Variants in GDPD4 observed in about 807,000 individuals in gnomAD.
The protein encoded by GDPD4 is glycerophosphodiester phosphodiesterase domain containing 4.
GDPD4 carries 60 observed loss-of-function variants against 67.8 expected under a neutral mutation model. The ratio of observed to expected loss-of-function variants is 0.88; its 90% CI spans 0.72 to 1.10. The LOEUF is 1.10. Among genes scored for constraint, GDPD4 ranks in the 50% least tolerant of loss-of-function variants. The pLI is 0.00. For missense variants in GDPD4, 623 were observed against 613.9 expected (o/e 1.01, Z -0.16); for synonymous variants, 212 against 210.9 (o/e 1.00, Z -0.04).
intron 11 of GDPD4, among the ~76,000 whole-genome samples, chr11:77,257,594 C>CACACACACACACACACACACACA (rs1959029349): frequency 2.0e-5 from 3 of 146,996 alleles, no homozygotes; most frequent in Non-Finnish European, 4.5e-5. Context: ...CACACACACA[C>CACACACACACACACACACACACA]CCTGTTGCTC....
chr11:77,285,546 A>C (rs1199726379), intron 2 of GDPD4, among the ~76,000 whole-genome samples: 1 of 152,204 alleles, frequency 6.6e-6, no homozygotes, highest in Non-Finnish European at 1.5e-5. Context: ...TGTTTTGTTC[A>C]GCAATTAATT....
chr11:77,249,757 C>T (rs1230047408), intron 11 of GDPD4, among the ~76,000 whole-genome samples: 13 of 152,116 alleles, frequency 8.5e-5, no homozygotes, highest in East Asian at 3.8e-4. Flanking sequence ...CCTTGAGATA[C>T]GTGATTATGT....
At chr11:77,257,552 T>TACACACACACACACACACACAC (rs71043563) in intron 11 of GDPD4, among the ~76,000 whole-genome samples, 1 of 134,266 alleles carries the variant, frequency 7.4e-6, no homozygotes, top group African/African-American at 2.8e-5. Context: ...CTCCCTCTCC[T>TACACACACACACACACACACAC]ACACACACAC....
intron 12 of GDPD4, among the ~76,000 whole-genome samples, 195 bp downstream of exon 12, chr11:77,245,086 C>G (rs1379549406): frequency 6.6e-6 from 1 of 152,170 alleles, no homozygotes; most frequent in Non-Finnish European, 1.5e-5. Flanking sequence ...ATTTTCCCCA[C>G]TGAGATAAAT....
At chr11:77,260,375 A>G (rs921805575) in intron 10 of GDPD4, among the ~76,000 whole-genome samples, 2 of 152,132 alleles carry the variant, frequency 1.3e-5, no homozygotes, top group Non-Finnish European at 2.9e-5. Flanking sequence ...GCCACTTTAG[A>G]TCCTCTAAAA....
At chr11:77,223,426 T>TAAGGAAAA (rs1958265769) in intron 16 of GDPD4, among the ~76,000 whole-genome samples, 1 of 152,136 alleles carries the variant, frequency 6.6e-6, no homozygotes, top group East Asian at 1.9e-4. Context: ...TAGTTTTCCT[T>TAAGGAAAA]CTAACAAACA....
At chr11:77,258,360 T>G in intron 11 of GDPD4, 26 bp downstream of exon 11, 1 of 1,610,876 alleles carries the variant, frequency 6.2e-7, no homozygotes, top group South Asian at 1.1e-5. Context: ...CAATGCAGGT[T>G]TGTGGAACTT....
At chr11:77,289,638 G>C (rs1456033354) in intron 1 of GDPD4, among the ~76,000 whole-genome samples, 1 of 151,250 alleles carries the variant, frequency 6.6e-6, no homozygotes, top group Non-Finnish European at 1.5e-5. Flanking sequence ...GGCTGAGGCA[G>C]AAGAATTGTT....
chr11:77,287,813 G>A (rs12361485), intron 1 of GDPD4, among the ~76,000 whole-genome samples: 8,718 of 152,144 alleles, frequency 0.057, 884 homozygotes, highest in African/African-American at 0.2. Context: ...AAATACCATC[G>A]TTGACTAATA....
rs186762010 is a variant in GDPD4, at chr11:77,285,914, C to T, written c.-50-727G>A. Among the ~76,000 whole-genome samples the T allele has an allele frequency of 1.4e-4, 22 of 152,294 alleles. No homozygotes were observed. In the East Asian group the frequency reaches 4.0e-3, roughly 28 times the overall value. ...GCTTTCTCTGAAGGCAAAGAAGTCT[C>T]CCTGTGTTAGTTTTGTCCTTTTCAA... is the stretch of plus-strand genomic sequence containing the variant. On this transcript the variant is annotated intron_variant, in intron 2 of 16. Transcript: ENST00000315938.
intron 1 of GDPD4, among the ~76,000 whole-genome samples, chr11:77,298,524 T>G (rs1228156863): frequency 8.5e-5 from 13 of 152,172 alleles, no homozygotes; most frequent in Admixed American, 8.5e-4. Context: ...AAACATTTTC[T>G]GGTTGACAAT....
chr11:77,285,408 G>A (rs1959953458), intron 2 of GDPD4, among the ~76,000 whole-genome samples: 1 of 152,124 alleles, frequency 6.6e-6, no homozygotes, highest in South Asian at 2.1e-4. Flanking sequence ...TGTTTTATCT[G>A]ATGCTACACT....
chr11:77,282,382 C>T (rs1026108202), intron 3 of GDPD4, among the ~76,000 whole-genome samples: 6 of 152,020 alleles, frequency 3.9e-5, no homozygotes, highest in Admixed American at 2.6e-4. Flanking sequence ...GGGCTGGGTG[C>T]GGTAGCTCAC....
At chr11:77,256,447 T>C (rs1419624148) in intron 11 of GDPD4, among the ~76,000 whole-genome samples, 1 of 152,220 alleles carries the variant, frequency 6.6e-6, no homozygotes, top group African/African-American at 2.4e-5. Context: ...TGAGGACAAA[T>C]ATTCTGAGTA....
chr11:77,255,468 G>A (rs1267999095), intron 11 of GDPD4, among the ~76,000 whole-genome samples: 2 of 152,244 alleles, frequency 1.3e-5, no homozygotes, highest in African/African-American at 2.4e-5. Flanking sequence ...GGAGGCTGAA[G>A]GAGGAGAACT....
chr11:77,285,294 AC>A (rs1959950276), intron 2 of GDPD4, 107 bp from the exon 3 acceptor site: 1 of 620,116 alleles, frequency 1.6e-6, no homozygotes, highest in Non-Finnish European at 2.9e-6. Flanking sequence ...GCCATGCATT[AC>A]CCTCCTGAGG....
chr11:77,219,276 G>A, intron 16 of GDPD4, among the ~76,000 whole-genome samples: 1 of 152,104 alleles, frequency 6.6e-6, no homozygotes, highest in East Asian at 1.9e-4. Context: ...TAGATTCCAG[G>A]TATTAGCCCT....
At chr11:77,250,214 C>T (rs1163047456) in intron 11 of GDPD4, among the ~76,000 whole-genome samples, 1 of 152,064 alleles carries the variant, frequency 6.6e-6, no homozygotes, top group Non-Finnish European at 1.5e-5. Context: ...AGCTCAGTAC[C>T]TAATAGTTAG....
chr11:77,266,905 AT>A (rs1959180815), intron 10 of GDPD4, among the ~76,000 whole-genome samples: 1 of 152,102 alleles, frequency 6.6e-6, no homozygotes, highest in African/African-American at 2.4e-5. Flanking sequence ...ATTGAAGAAA[AT>A]TTTTTTATGA....
Sources: gnomAD v4.1 joint callset for allele counts (sites outside exome capture counted in the v4.1 genomes callset) on GRCh38, gnomAD v4.1.1 for gene constraint, MANE v1.5 for transcripts, NCBI Gene and HGNC (gene_info 2026-07-23, HGNC 2026-07-21) for gene names.